The following KCNJ4 variants were observed in gnomAD, a reference collection of about 807,000 sequenced individuals.
KCNJ4 encodes the protein potassium inwardly rectifying channel subfamily J member 4.
In KCNJ4, 3 loss-of-function variants were observed where a neutral mutation model predicts 25.6. The ratio of observed to expected loss-of-function variants is 0.12; its 90% confidence interval spans 0.05 to 0.30. The LOEUF is 0.30. Among genes scored for constraint, KCNJ4 ranks in the 10% least tolerant of loss-of-function variants. The pLI is 1.00. For missense variants in KCNJ4, 286 were observed against 666.8 expected (o/e 0.43, Z 6.29); for synonymous variants, 257 against 283.9 (o/e 0.91, Z 0.95).
rs2093061571 is a variant in KCNJ4, at chr22:38,435,109, G to A, written c.-39-6938C>T. Among the ~76,000 whole-genome samples, 3 of 152,224 alleles carry A rather than the reference G, an allele frequency of 2.0e-5. No individual in the cohort carries two copies. In the South Asian group the frequency reaches 6.2e-4, roughly 31 times the overall value. ...GGTCAGAAGTTCCTTCCCTCTGTCT[G>A]CAAGATGGGGAGACCATCATGGCTC... On this transcript the variant is annotated intron_variant, in intron 1 of 1. Coordinates refer to ENST00000303592, the MANE Select transcript of KCNJ4 (RefSeq NM_152868.3).
In KCNJ4 at chr22:38,428,134, T is replaced by C; in HGVS notation, c.-2A>G. 6.2e-7 allele frequency: 1 copy of C among 1,604,708 alleles called. No homozygotes were observed. The highest frequency in any genetic ancestry group is 8.5e-7 in the Non-Finnish European group (1 of 1,173,958). ...GCCGTTGCGGCTGTGTCCGTGCATG[T>C]CCTGAAGCCGGCGTGGTCACCTGGG... On this transcript the variant is annotated 5_prime_UTR_variant, in exon 2 of 2. Coordinates refer to ENST00000303592, the MANE Select transcript of KCNJ4 (RefSeq NM_152868.3).
intron 1 of KCNJ4, among the ~76,000 whole-genome samples, chr22:38,435,800 G>A (rs2093063834): frequency 6.6e-6 from 1 of 152,160 alleles, no homozygotes; most frequent in South Asian, 2.1e-4. Flanking sequence ...CCTCAGGTCT[G>A]GTTTGATTGG....
rs74326505 is a variant in KCNJ4, at chr22:38,443,868, C to T, written c.-40+11112G>A. ...AGAGCTCTCGTCTCCCCAGGGCACT[C>T]GGGATGAACGCCCCGCCTCAGAGAG... On this transcript the variant is annotated intron_variant, in intron 1 of 1. Transcript: ENST00000303592. The surrounding 1 kb of genome is among the most constrained non-coding windows in gnomAD (Gnocchi z 4.1). Among the ~76,000 whole-genome samples the T allele has an allele frequency of 0.021, 3,125 of 152,244 alleles. 44 individuals are homozygous for T. The highest frequency in any genetic ancestry group is 0.029 in the Non-Finnish European group (1,987 of 68,008).
At chr22:38,450,408 A>T (rs561594603) in intron 1 of KCNJ4, among the ~76,000 whole-genome samples, 36 of 152,276 alleles carry the variant, frequency 2.4e-4, no homozygotes, top group Non-Finnish European at 8.8e-5. Flanking sequence ...AAGGTCACAC[A>T]GAGAGCCACC....
intron 1 of KCNJ4, among the ~76,000 whole-genome samples, chr22:38,444,736 C>A (rs2089361329): frequency 6.6e-6 from 1 of 152,240 alleles, no homozygotes; most frequent in South Asian, 2.1e-4. Flanking sequence ...GACAGAACGC[C>A]TGCCATGGGG....
At chr22:38,429,456 C>T (rs542861470) in intron 1 of KCNJ4, among the ~76,000 whole-genome samples, 29 of 152,292 alleles carry the variant, frequency 1.9e-4, no homozygotes, top group Admixed American at 3.9e-4. Flanking sequence ...GGACACACCT[C>T]GGGCAATTCA....
In KCNJ4 at chr22:38,428,166, C is replaced by T; in HGVS notation, c.-34G>A. ...GCCGGCGTGGTCACCTGGGAAGACGCAGGGCCTGCGGAGGAGAAGCCGGAC... is the reference window on the plus strand; with the variant it reads ...GCCGGCGTGGTCACCTGGGAAGACGTAGGGCCTGCGGAGGAGAAGCCGGAC... On this transcript the variant is annotated 5_prime_UTR_variant, in exon 2 of 2. Coordinates refer to ENST00000303592, the MANE Select transcript of KCNJ4 (RefSeq NM_152868.3). 6.3e-7 allele frequency: 1 copy of T among 1,583,172 alleles called. No individual in the cohort carries two copies.
chr22:38,437,979 C>T (rs1749192471), intron 1 of KCNJ4, among the ~76,000 whole-genome samples: 2 of 152,182 alleles, frequency 1.3e-5, no homozygotes, highest in South Asian at 2.1e-4. Flanking sequence ...TGGCTCACGC[C>T]TGTATTCCCA....
At chr22:38,444,338 C>A (rs1569123432) in intron 1 of KCNJ4, among the ~76,000 whole-genome samples, 1 of 152,190 alleles carries the variant, frequency 6.6e-6, no homozygotes, top group Non-Finnish European at 1.5e-5. Context: ...ACATTGTGAC[C>A]AAGGAGAAGC....
intron 1 of KCNJ4, among the ~76,000 whole-genome samples, chr22:38,434,125 C>T (rs2093058464): frequency 6.6e-6 from 1 of 152,220 alleles, no homozygotes; most frequent in Non-Finnish European, 1.5e-5. Context: ...GCCTGAAACT[C>T]TGCTCCTTTA....
chr22:38,427,935 G>A lies in KCNJ4; in HGVS notation c.198C>T (p.Phe66=), dbSNP rs952049785. 3.1e-6 allele frequency: 5 copies of A among 1,613,422 alleles called. No homozygotes were observed. The African/African-American group carries it at 4.0e-5, about 13-fold the overall frequency. ...GGCCGAAAAAGAGCCAGGAGACAAG[G>A]AAGGCCGCGGAGAAGATCATGAGCA... is the stretch of plus-strand genomic sequence containing the variant. ...RYMLMIFSAA[F]LVSWLFFGLL... The change falls in exon 2 of 2, where the codon TTC becomes TTT. Residue 66 remains phenylalanine (F), a synonymous_variant. Coordinates refer to ENST00000303592, the MANE Select transcript of KCNJ4 (RefSeq NM_152868.3).
intron 1 of KCNJ4, among the ~76,000 whole-genome samples, chr22:38,433,032 T>G (rs1301038308): frequency 1.3e-5 from 2 of 152,134 alleles, no homozygotes; most frequent in Non-Finnish European, 2.9e-5. Flanking sequence ...TGGCAAACAT[T>G]TTTTTAGAAA....
chr22:38,428,628 G>A (rs196060), intron 1 of KCNJ4, among the ~76,000 whole-genome samples: 104,479 of 151,902 alleles, frequency 0.69, 36,615 homozygotes, highest in East Asian at 0.93. Context: ...ATCCTCCTGT[G>A]CACTAGCCAC....
intron 1 of KCNJ4, among the ~76,000 whole-genome samples, chr22:38,454,464 G>C (rs141425565): frequency 5.9e-5 from 9 of 152,286 alleles, no homozygotes; most frequent in Non-Finnish European, 1.3e-4. Context: ...CACTGTGAAC[G>C]TGCAGTGCCT....
chr22:38,445,087 G>A (rs896451372), intron 1 of KCNJ4, among the ~76,000 whole-genome samples: 1 of 152,064 alleles, frequency 6.6e-6, no homozygotes, highest in Non-Finnish European at 1.5e-5. Context: ...GTGTGTGTGT[G>A]AAAGGGCATA....
intron 1 of KCNJ4, among the ~76,000 whole-genome samples, chr22:38,435,876 C>T (rs1005260242): frequency 6.6e-5 from 10 of 152,026 alleles, no homozygotes; most frequent in East Asian, 1.9e-4. Flanking sequence ...CCCAGGCCCA[C>T]GGCTCTTTGA....
At position 38,437,126 on chromosome 22, in the gene KCNJ4, G is replaced by A. The variant is rs550117203; in HGVS notation, c.-39-8955C>T. On this transcript the variant is annotated intron_variant, in intron 1 of 1. Coordinates refer to ENST00000303592, the MANE Select transcript of KCNJ4 (RefSeq NM_152868.3). ...GGCTTGGAGCAGCAAGGGGTGAACC[G>A]GCTCATTCCTCCTACTCTGCACCCC... is the stretch of plus-strand genomic sequence containing the variant. Among the ~76,000 whole-genome samples, 8 of 152,320 alleles carry A rather than the reference G, an allele frequency of 5.3e-5. 1 individual carries two copies. The highest frequency in any genetic ancestry group is 9.6e-5 in the African/African-American group (4 of 41,574).
intron 1 of KCNJ4, among the ~76,000 whole-genome samples, chr22:38,447,440 C>T (rs370442039): frequency 1.3e-5 from 2 of 152,176 alleles, no homozygotes; most frequent in Non-Finnish European, 2.9e-5. Flanking sequence ...CCAGCCTGTG[C>T]CCACCACCTC....
chr22:38,436,040 C>T (rs2093064525), intron 1 of KCNJ4, among the ~76,000 whole-genome samples: 2 of 152,164 alleles, frequency 1.3e-5, no homozygotes, highest in African/African-American at 4.8e-5. Context: ...CTCAGGAACC[C>T]CCCGCCTGGT....
Sources: allele counts gnomAD v4.1 joint callset (sites outside exome capture counted in the v4.1 genomes callset), GRCh38; gene constraint gnomAD v4.1.1; non-coding constraint Gnocchi (gnomAD v3.1); transcripts MANE v1.5; gene names NCBI Gene and HGNC (gene_info 2026-07-23, HGNC 2026-07-21).